LMX1B: variants seen among roughly 807,000 people sequenced by gnomAD.
LMX1B encodes the protein LIM homeobox transcription factor 1-beta.
A neutral mutation model predicts 51.4 loss-of-function variants in LMX1B; 12 were observed. The ratio of observed to expected loss-of-function variants is 0.23; its 90% CI spans 0.15 to 0.38. The LOEUF is 0.38. Ranked by LOEUF, LMX1B falls within the 10% of genes least tolerant of loss-of-function variation. The probability of loss-of-function intolerance (pLI) is 1.00; values close to 1 mark genes in which losing one functional copy is unlikely to be tolerated. For missense variants in LMX1B, 445 were observed against 571.1 expected, an observed-to-expected ratio of 0.78 and a Z score of 2.25; for synonymous variants, 237 against 235.4, an observed-to-expected ratio of 1.01 and a Z score of -0.06.
At position 126,614,286 on chromosome 9, in the gene LMX1B, C is replaced by T. The variant is rs1412520665; in HGVS notation, c.-164C>T. 6.9e-6 allele frequency among the ~76,000 whole-genome samples: 1 copy of T among 145,400 alleles called. No homozygotes were observed. Among genetic ancestry groups the T allele is most frequent in the African/African-American group, 2.5e-5 (1 of 40,516 alleles). On this transcript the variant is annotated 5_prime_UTR_variant, in exon 1 of 8. Transcript: ENST00000373474. The stretch of plus-strand genomic sequence containing the variant: ...GGCCCGCCCGCACGACGCCGGGGCC[C>T]GGGGCCAGCGCGTCGCCGCTCCACG...
At position 126,619,785 on chromosome 9, in the gene LMX1B, G is replaced by T. The variant is rs148067398; in HGVS notation, c.326+4216G>T. Among the ~76,000 whole-genome samples the T allele has an allele frequency of 7.9e-3, 1,210 of 152,296 alleles. 5 individuals carry two copies. The highest frequency in any genetic ancestry group is 0.013 in the Non-Finnish European group (858 of 68,020). Reference sequence around the variant, plus strand: ...CCTCGACTCCCCGGGCGCTGGGCTGGTGTGGCCTTATTTGTTTGCCCTATT... The same window carrying T: ...CCTCGACTCCCCGGGCGCTGGGCTGTTGTGGCCTTATTTGTTTGCCCTATT... On this transcript the variant is annotated intron_variant, in intron 2 of 7. Coordinates refer to ENST00000373474, the MANE Select transcript of LMX1B (RefSeq NM_001174147.2).
At chr9:126,620,942 A>T (rs1327819912) in intron 2 of LMX1B, among the ~76,000 whole-genome samples, 1 of 152,180 alleles carries the variant, frequency 6.6e-6, no homozygotes, top group Non-Finnish European at 1.5e-5. Context: ...ATTTCTCAGA[A>T]GGAAGATGAG....
chr9:126,670,218 C>T (rs1836423619), intron 2 of LMX1B, among the ~76,000 whole-genome samples: 1 of 152,200 alleles, frequency 6.6e-6, no homozygotes, highest in African/African-American at 2.4e-5. Context: ...CTGAAACAGC[C>T]CCCACAGCTG....
chr9:126,696,285 G>GC lies in LMX1B; in HGVS notation c.1052-3dup, dbSNP rs1177591691. On this transcript the variant is annotated splice_polypyrimidine_tract_variant and intron_variant, in intron 7 of 7. Transcript: ENST00000373474. ...GTACCCCGGTCCTGACACCCCTTCT[G>GC]CCCCCCAGGGAACGACTCCATCTTC... The GC allele has an allele frequency of 1.9e-6, 3 of 1,612,148 alleles. No homozygotes were observed. Among genetic ancestry groups the GC allele is most frequent in the African/African-American group, 1.3e-5 (1 of 74,816 alleles).
rs1055087858 is a variant in LMX1B, at chr9:126,641,769, G to A, written c.326+26200G>A. Among the ~76,000 whole-genome samples, 1 of 152,206 alleles carries A rather than the reference G, an allele frequency of 6.6e-6. No homozygotes were observed. The highest frequency in any genetic ancestry group is 1.9e-4 in the East Asian group (1 of 5,172). ...TCACCATCTCTCCCAGGTTTCTGCT[G>A]GATCCAATCCACCTTCCACACAGCT... On this transcript the variant is annotated intron_variant, in intron 2 of 7. Coordinates refer to ENST00000373474, the MANE Select transcript of LMX1B (RefSeq NM_001174147.2). The surrounding 1 kb of genome is among the most constrained non-coding windows in gnomAD (Gnocchi z 4.1).
chr9:126,662,304 C>T (rs562832576), intron 2 of LMX1B, among the ~76,000 whole-genome samples: 13 of 152,216 alleles, frequency 8.5e-5, no homozygotes, highest in Non-Finnish European at 1.6e-4. Flanking sequence ...AGTGACTGCT[C>T]AGTACCTGGT....
chr9:126,646,166 G>C (rs10760446), intron 2 of LMX1B, among the ~76,000 whole-genome samples: 116,374 of 152,084 alleles, frequency 0.77, 44,816 homozygotes, highest in East Asian at 0.99. Flanking sequence ...CAGAAAACCT[G>C]TTTTTGCTCT....
At chr9:126,629,381 CT>C (rs1363345257) in intron 2 of LMX1B, among the ~76,000 whole-genome samples, 2 of 152,348 alleles carry the variant, frequency 1.3e-5, no homozygotes, top group Admixed American at 1.3e-4. Context: ...GCTCTCAGCA[CT>C]TTCCATTCTT....
rs942312450 is a variant in LMX1B at position 126,671,590 on chromosome 9, G to A, written c.327-19246G>A. ...CCGCAAAAACACAGACACCCCAGAC[G>A]GGGCACTGCTCCAGGCCGGCTCTGG... On this transcript the variant is annotated intron_variant, in intron 2 of 7. Transcript: ENST00000373474. The surrounding 1 kb of genome is among the most constrained non-coding windows in gnomAD (Gnocchi z 4.4). 1.3e-5 allele frequency among the ~76,000 whole-genome samples: 2 copies of A among 152,226 alleles called. No individual in the cohort carries two copies. The highest frequency in any genetic ancestry group is 6.5e-5 in the Admixed American group (1 of 15,290).
intron 2 of LMX1B, among the ~76,000 whole-genome samples, chr9:126,676,588 A>G (rs1423969247): frequency 1.3e-5 from 2 of 152,228 alleles, no homozygotes; most frequent in Non-Finnish European, 2.9e-5. Flanking sequence ...GAGCATGGAC[A>G]AGGTACAGAG....
chr9:126,622,075 C>A (rs1256281529), intron 2 of LMX1B, among the ~76,000 whole-genome samples: 1 of 152,162 alleles, frequency 6.6e-6, no homozygotes, highest in Non-Finnish European at 1.5e-5. Context: ...GCCCTGCTGA[C>A]CTTGGGGCCC....
At chr9:126,646,201 G>A (rs1835896652) in intron 2 of LMX1B, among the ~76,000 whole-genome samples, 1 of 152,098 alleles carries the variant, frequency 6.6e-6, no homozygotes, top group Admixed American at 6.6e-5. Flanking sequence ...TGACATGTCA[G>A]GGTAAAATAT....
intron 2 of LMX1B, among the ~76,000 whole-genome samples, chr9:126,664,181 T>C (rs879857295): frequency 6.6e-6 from 1 of 152,136 alleles, no homozygotes; most frequent in Non-Finnish European, 1.5e-5. Context: ...GGTCTGAGGC[T>C]GTCGGGGGGG....
At chr9:126,636,682 T>G (rs984291264) in intron 2 of LMX1B, among the ~76,000 whole-genome samples, 1 of 152,164 alleles carries the variant, frequency 6.6e-6, no homozygotes, top group African/African-American at 2.4e-5. Flanking sequence ...CGACTGCAAG[T>G]ACACGTGTGC....
chr9:126,660,429 G>C (rs116283391), intron 2 of LMX1B, among the ~76,000 whole-genome samples: 313 of 152,304 alleles, frequency 2.1e-3, no homozygotes, highest in African/African-American at 7.2e-3. Flanking sequence ...ACTTCTAAGG[G>C]CAGTGTAAAT....
rs377308397 is a variant in LMX1B at position 126,673,098 on chromosome 9, A to G, written c.327-17738A>G. 9.2e-5 allele frequency among the ~76,000 whole-genome samples: 14 copies of G among 152,260 alleles called. No individual in the cohort carries two copies. The highest frequency in any genetic ancestry group is 7.7e-4 in the East Asian group (4 of 5,198). ...AGCTGTGAGGCTTGGCACAAGGCTCAGTTTTCTCATCTGAGAAATGGGAAG... is the reference window on the plus strand; with the variant it reads ...AGCTGTGAGGCTTGGCACAAGGCTCGGTTTTCTCATCTGAGAAATGGGAAG... On this transcript the variant is annotated intron_variant, in intron 2 of 7. Coordinates refer to ENST00000373474, the MANE Select transcript of LMX1B (RefSeq NM_001174147.2). This position sits in a 1 kb window ranked among gnomAD's most constrained non-coding sequence, Gnocchi z 4.4.
intron 2 of LMX1B, among the ~76,000 whole-genome samples, chr9:126,617,492 T>A (rs546325801): frequency 6.9e-6 from 1 of 145,460 alleles, no homozygotes; most frequent in South Asian, 2.2e-4. Context: ...AGCTTCTCTT[T>A]AAAAAAAAAA....
Position 126,696,752 on chromosome 9 carries a change from A to G in LMX1B, c.*301A>G. 1 of 489,082 alleles carries G rather than the reference A, an allele frequency of 2.0e-6. No individual in the cohort carries two copies. Among genetic ancestry groups the G allele is most frequent in the Non-Finnish European group, 3.7e-6 (1 of 270,726 alleles). The allele number at this position is 489,082 out of a possible 1,614,324, so 30.3% of individuals were successfully genotyped here. The stretch of plus-strand genomic sequence containing the variant: ...CCTCGGCCTCCATCGCCTCCTCCCC[A>G]TCTCTTTTTTGGGAAGCTTAAATTC... On this transcript the variant is annotated 3_prime_UTR_variant, in exon 8 of 8. Coordinates refer to ENST00000373474, the MANE Select transcript of LMX1B (RefSeq NM_001174147.2).
chr9:126,654,862 A>G (rs1387861259), intron 2 of LMX1B, among the ~76,000 whole-genome samples: 3 of 151,894 alleles, frequency 2.0e-5, no homozygotes, highest in East Asian at 3.9e-4. Flanking sequence ...CTAGACATTC[A>G]CCCTACTAAT....
Sources: allele counts gnomAD v4.1 joint callset (sites outside exome capture counted in the v4.1 genomes callset), GRCh38; gene constraint gnomAD v4.1.1; non-coding constraint Gnocchi (gnomAD v3.1); transcripts MANE v1.5; gene names NCBI Gene and HGNC (gene_info 2026-07-23, HGNC 2026-07-21).